Variants in CDH18 observed in about 807,000 individuals in gnomAD.
The protein encoded by CDH18 is cadherin 18.
A neutral mutation model predicts 67.9 loss-of-function variants in CDH18; 31 were observed. The ratio of observed to expected loss-of-function variants is 0.46; its 90% CI spans 0.34 to 0.62. CDH18 has a LOEUF of 0.62. Among genes scored for constraint, CDH18 ranks in the 20% least tolerant of loss-of-function variants. The probability of loss-of-function intolerance (pLI) is 0.01; values close to 1 mark genes in which losing one functional copy is unlikely to be tolerated. For missense variants in CDH18, 890 were observed against 975.5 expected (o/e 0.91, Z 1.17); for synonymous variants, 362 against 347.2 (o/e 1.04, Z -0.48).
chr5:20,255,090 C>T (rs1010020740), intron 2 of CDH18, among the ~76,000 whole-genome samples: 1 of 151,972 alleles, frequency 6.6e-6, no homozygotes, highest in Non-Finnish European at 1.5e-5. Flanking sequence ...CACACATGGA[C>T]ATAAATAAGG....
At chr5:19,816,250 T>C (rs951464218) in intron 3 of CDH18, among the ~76,000 whole-genome samples, 1 of 151,830 alleles carries the variant, frequency 6.6e-6, no homozygotes, top group African/African-American at 2.4e-5. Context: ...GGTCAAATAG[T>C]GCAATGTGGA....
intron 5 of CDH18, among the ~76,000 whole-genome samples, chr5:19,688,444 T>C (rs2150411583): frequency 6.6e-6 from 1 of 152,288 alleles, no homozygotes; most frequent in African/African-American, 2.4e-5. Flanking sequence ...TCTTTACAGC[T>C]GAAGAAGGCA....
chr5:19,590,556 C>T (rs1351928515), intron 7 of CDH18, among the ~76,000 whole-genome samples: 1 of 151,804 alleles, frequency 6.6e-6, no homozygotes, highest in East Asian at 1.9e-4. Flanking sequence ...CTCACATCAA[C>T]ATCTACAGTA....
chr5:19,945,128 A>G (rs1043205294), intron 2 of CDH18, among the ~76,000 whole-genome samples: 3 of 152,118 alleles, frequency 2.0e-5, no homozygotes, highest in Non-Finnish European at 4.4e-5. Flanking sequence ...CTAGAGGTGT[A>G]TGGATATCCA....
intron 10 of CDH18, among the ~76,000 whole-genome samples, chr5:19,519,928 G>C (rs1455588455): frequency 1.3e-5 from 2 of 152,150 alleles, no homozygotes; most frequent in East Asian, 3.9e-4. Flanking sequence ...AGTCTTGCGA[G>C]ACTCTTGCAA....
chr5:20,519,821 C>A (rs1385672695), intron 1 of CDH18, among the ~76,000 whole-genome samples: 1 of 151,268 alleles, frequency 6.6e-6, no homozygotes, highest in African/African-American at 2.4e-5. Flanking sequence ...TCAGGTCAGA[C>A]TTCTTGTTGG....
chr5:20,381,134 G>A (rs1030191812), intron 1 of CDH18, among the ~76,000 whole-genome samples: 9 of 152,070 alleles, frequency 5.9e-5, no homozygotes, highest in African/African-American at 2.2e-4. Flanking sequence ...CAGTGAGAAG[G>A]TGTCCATTTG....
intron 1 of CDH18, among the ~76,000 whole-genome samples, chr5:20,387,860 G>A (rs1580881723): frequency 6.6e-6 from 1 of 152,168 alleles, no homozygotes; most frequent in South Asian, 2.1e-4. Context: ...TTTATATGCT[G>A]GATTATGTTT....
intron 2 of CDH18, among the ~76,000 whole-genome samples, chr5:19,890,367 C>CT (rs1490565523): frequency 6.6e-6 from 1 of 151,946 alleles, no homozygotes; most frequent in Non-Finnish European, 1.5e-5. Context: ...CTGTAAAGTA[C>CT]TTTTTTTCCA....
intron 2 of CDH18, among the ~76,000 whole-genome samples, chr5:19,898,704 C>CA (rs1281194319): frequency 1.3e-5 from 2 of 151,698 alleles, no homozygotes; most frequent in Non-Finnish European, 1.5e-5. Context: ...TAAAGTTTTA[C>CA]AAAAAATCAT....
chr5:19,833,259 A>T (rs12521308), intron 3 of CDH18, among the ~76,000 whole-genome samples: 89,914 of 151,786 alleles, frequency 0.59, 26,980 homozygotes, highest in Middle Eastern at 0.69. Flanking sequence ...TTAGCTGTAT[A>T]CCTAGGTATT....
chr5:20,039,699 A>T (rs1740229253), intron 2 of CDH18, among the ~76,000 whole-genome samples: 1 of 152,226 alleles, frequency 6.6e-6, no homozygotes, highest in Non-Finnish European at 1.5e-5. Context: ...AATTACCTCA[A>T]GATGGATTAA....
chr5:19,588,435 C>T (rs577492804), intron 7 of CDH18, among the ~76,000 whole-genome samples: 150 of 152,078 alleles, frequency 9.9e-4, no homozygotes, highest in African/African-American at 3.1e-3. Context: ...AACTTGTTAT[C>T]GGCCTAAAAA....
intron 1 of CDH18, among the ~76,000 whole-genome samples, chr5:20,392,429 C>T (rs1276541801): frequency 6.6e-6 from 1 of 151,764 alleles, no homozygotes; most frequent in Non-Finnish European, 1.5e-5. Flanking sequence ...CTCTTAACTT[C>T]CAATAATTTT....
intron 7 of CDH18, among the ~76,000 whole-genome samples, chr5:19,583,044 G>A (rs1743530091): frequency 1.3e-5 from 2 of 151,884 alleles, no homozygotes; most frequent in Admixed American, 6.6e-5. Flanking sequence ...CTCAAATCAT[G>A]TGTTAAATAA....
chr5:20,030,115 G>A (rs1206785026), intron 2 of CDH18, among the ~76,000 whole-genome samples: 1 of 152,256 alleles, frequency 6.6e-6, no homozygotes, highest in African/African-American at 2.4e-5. Context: ...GCATAAAAAT[G>A]TCTAGGACCT....
chr5:20,537,697 G>T (rs1232425000), intron 1 of CDH18, among the ~76,000 whole-genome samples: 1 of 151,992 alleles, frequency 6.6e-6, no homozygotes. Flanking sequence ...CTGGCACAAA[G>T]ATCATCTGGC....
chr5:19,473,502 G>T lies in CDH18; in HGVS notation c.2097C>A (p.Pro699=). 6.2e-7 allele frequency: 1 copy of T among 1,613,592 alleles called. No individual in the cohort carries two copies. The highest frequency in any genetic ancestry group is 1.1e-5 in the South Asian group (1 of 91,068). Residue 699 remains proline, a synonymous_variant, in exon 13 of 13, where the codon CCC becomes CCA. Coordinates refer to ENST00000382275, the MANE Select transcript of CDH18 (RefSeq NM_004934.5). ...CCAGGGTGGATGATGTCTGGTGTCT[G>T]GGAGTGAGCTTCACTTCAGGTCTGA... ...RDIRPEVKLT[P]RHQTSSTLES...
chr5:19,855,288 C>A (rs114996220), intron 2 of CDH18, among the ~76,000 whole-genome samples: 1,949 of 152,106 alleles, frequency 0.013, 36 homozygotes, highest in African/African-American at 0.045. Flanking sequence ...ACTTTCAGAG[C>A]TGGGAAAGAC....
Sources: gnomAD v4.1 joint callset for allele counts (sites outside exome capture counted in the v4.1 genomes callset) on GRCh38, gnomAD v4.1.1 for gene constraint, MANE v1.5 for transcripts, NCBI Gene and HGNC (gene_info 2026-07-23, HGNC 2026-07-21) for gene names.